The following PDGFC variants were observed in gnomAD, a reference collection of about 807,000 sequenced individuals.
PDGFC encodes the protein platelet-derived growth factor C.
Under a neutral mutation model 35.5 loss-of-function variants are expected in PDGFC, and 12 were observed. The observed-to-expected ratio is 0.34, with a 90% confidence interval of 0.22 to 0.55. The LOEUF (loss-of-function observed/expected upper bound fraction) is 0.55. Ranked by LOEUF, PDGFC falls within the 20% of genes least tolerant of loss-of-function variation. The probability of loss-of-function intolerance (pLI) is 0.91; values close to 1 mark genes in which losing one functional copy is unlikely to be tolerated. For synonymous variants in PDGFC, 159 were observed against 148.8 expected (o/e 1.07, Z -0.50); for missense variants, 322 against 412.4 (o/e 0.78, Z 1.90).
intron 1 of PDGFC, among the ~76,000 whole-genome samples, chr4:156,860,452 T>C (rs555267014): frequency 1.3e-5 from 2 of 152,132 alleles, no homozygotes; most frequent in Non-Finnish European, 2.9e-5. Context: ...ATTCTGTAGT[T>C]GAAAATTCTC....
intron 2 of PDGFC, among the ~76,000 whole-genome samples, chr4:156,812,863 C>A (rs1242520244): frequency 6.6e-6 from 1 of 152,094 alleles, no homozygotes; most frequent in South Asian, 2.1e-4. Flanking sequence ...CTGTCCTGCA[C>A]CCCTCCAACC....
chr4:156,764,513 GATA>G (rs1730465861), intron 5 of PDGFC, among the ~76,000 whole-genome samples: 2 of 152,256 alleles, frequency 1.3e-5, no homozygotes, highest in African/African-American at 4.8e-5. Context: ...TAGAGAGATA[GATA>G]ATAATTTTAT....
At chr4:156,933,826 T>G (rs1731612424) in intron 1 of PDGFC, among the ~76,000 whole-genome samples, 1 of 152,138 alleles carries the variant, frequency 6.6e-6, no homozygotes, top group African/African-American at 2.4e-5. Context: ...CTCTCTCTCC[T>G]ACCACCATGT....
At chr4:156,926,049 C>CAAAAAAA (rs397707839) in intron 1 of PDGFC, among the ~76,000 whole-genome samples, 4 of 67,540 alleles carry the variant, frequency 5.9e-5, no homozygotes, top group Admixed American at 2.0e-4. Flanking sequence ...AGATCTGTCT[C>CAAAAAAA]AAAAAAAAAA....
chr4:156,930,260 C>T (rs1202780905), intron 1 of PDGFC, among the ~76,000 whole-genome samples: 1 of 152,076 alleles, frequency 6.6e-6, no homozygotes, highest in Non-Finnish European at 1.5e-5. Context: ...TCCAGGCAGA[C>T]CTGTGTAAAA....
At chr4:156,898,945 C>CT (rs1397429765) in intron 1 of PDGFC, among the ~76,000 whole-genome samples, 1 of 152,230 alleles carries the variant, frequency 6.6e-6, no homozygotes, top group African/African-American at 2.4e-5. Context: ...GCATGAGTCA[C>CT]TGAGCCCAGC....
At chr4:156,836,848 G>C (rs907562799) in intron 2 of PDGFC, among the ~76,000 whole-genome samples, 2 of 151,996 alleles carry the variant, frequency 1.3e-5, no homozygotes, top group African/African-American at 4.8e-5. Context: ...AATCCTTAGA[G>C]GGGAAATAAA....
chr4:156,935,816 G>A (rs1438802870), intron 1 of PDGFC, among the ~76,000 whole-genome samples: 1 of 151,954 alleles, frequency 6.6e-6, no homozygotes, highest in Non-Finnish European at 1.5e-5. Context: ...TCAATACCAT[G>A]AAAAATGAGA....
chr4:156,917,820 G>A (rs1319771720), intron 1 of PDGFC, among the ~76,000 whole-genome samples: 2 of 152,144 alleles, frequency 1.3e-5, no homozygotes, highest in Non-Finnish European at 2.9e-5. Context: ...GGACCACTTC[G>A]TATAAACTAT....
intron 3 of PDGFC, chr4:156,778,178 A>G (rs1196398907): frequency 2.6e-6 from 1 of 387,912 alleles, no homozygotes; most frequent in South Asian, 1.9e-5. Flanking sequence ...AGCACTATTA[A>G]CAAAACAAGA....
chr4:156,842,862 G>A (rs575258452), intron 2 of PDGFC, among the ~76,000 whole-genome samples: 4 of 152,054 alleles, frequency 2.6e-5, no homozygotes, highest in Non-Finnish European at 5.9e-5. Flanking sequence ...CTGATGTCTT[G>A]CCTATTCTTC....
intron 1 of PDGFC, among the ~76,000 whole-genome samples, chr4:156,901,976 A>G (rs1377966394): frequency 6.6e-6 from 1 of 152,212 alleles, no homozygotes; most frequent in Non-Finnish European, 1.5e-5. Flanking sequence ...CGATGCCAGG[A>G]TAAGGGAAGT....
intron 3 of PDGFC, among the ~76,000 whole-genome samples, chr4:156,779,555 C>T (rs1372030726): frequency 6.6e-6 from 1 of 152,188 alleles, no homozygotes; most frequent in African/African-American, 2.4e-5. Flanking sequence ...AAACCTGCAA[C>T]TGGCCTTCAA....
chr4:156,834,478 T>C (rs1729016081), intron 2 of PDGFC, among the ~76,000 whole-genome samples: 1 of 152,162 alleles, frequency 6.6e-6, no homozygotes, highest in Non-Finnish European at 1.5e-5. Flanking sequence ...TTTACACAAA[T>C]ATTTTGATAT....
At chr4:156,784,443 A>G (rs1034153964) in intron 3 of PDGFC, among the ~76,000 whole-genome samples, 6 of 152,224 alleles carry the variant, frequency 3.9e-5, no homozygotes, top group African/African-American at 1.4e-4. Flanking sequence ...AGGCCACTGT[A>G]GCTATTCCAC....
intron 2 of PDGFC, among the ~76,000 whole-genome samples, chr4:156,825,059 T>G (rs1261102970): frequency 6.6e-6 from 1 of 152,190 alleles, no homozygotes; most frequent in African/African-American, 2.4e-5. Flanking sequence ...GAAATAAAAT[T>G]AACATATCTA....
chr4:156,928,472 G>C (rs1028890931), intron 1 of PDGFC, among the ~76,000 whole-genome samples: 1 of 152,148 alleles, frequency 6.6e-6, no homozygotes, highest in African/African-American at 2.4e-5. Context: ...AAATGAAAAA[G>C]ACCTGGCTGG....
chr4:156,852,391 T>C (rs1177496074), intron 1 of PDGFC, among the ~76,000 whole-genome samples: 3 of 152,198 alleles, frequency 2.0e-5, no homozygotes, highest in Non-Finnish European at 4.4e-5. Flanking sequence ...GTTTCTTCTT[T>C]CTTCCTTTTG....
At chr4:156,883,916 AT>A (rs1273039163) in intron 1 of PDGFC, among the ~76,000 whole-genome samples, 2 of 152,184 alleles carry the variant, frequency 1.3e-5, no homozygotes, top group Non-Finnish European at 2.9e-5. Context: ...GAATCCATGT[AT>A]ATCCTCAAGA....
Sources: allele counts gnomAD v4.1 joint callset (sites outside exome capture counted in the v4.1 genomes callset), GRCh38; gene constraint gnomAD v4.1.1; transcripts MANE v1.5; gene names NCBI Gene and HGNC (gene_info 2026-07-23, HGNC 2026-07-21).